Variants in WWOX observed in about 807,000 individuals in gnomAD.
WWOX encodes WW domain containing oxidoreductase.
In WWOX, 69 loss-of-function variants were observed where a neutral mutation model predicts 46.2. That is an observed-to-expected ratio of 1.49 (90% CI 1.23 to 1.82). The LOEUF (loss-of-function observed/expected upper bound fraction) is 1.82. Among genes scored for constraint, WWOX ranks in the 40% most tolerant of loss-of-function variants. The pLI is 0.00. For synonymous variants in WWOX, 359 were observed against 202.6 expected (o/e 1.77, Z -6.56); for missense variants, 919 against 542.6 (o/e 1.69, Z -6.89).
chr16:78,323,131 G>C (rs1006419088), intron 5 of WWOX, among the ~76,000 whole-genome samples: 8 of 151,912 alleles, frequency 5.3e-5, no homozygotes, highest in Non-Finnish European at 1.0e-4. Flanking sequence ...TGTTTGAGAC[G>C]GAGTCTTGCT....
intron 5 of WWOX, among the ~76,000 whole-genome samples, chr16:78,207,695 A>G (rs548341485): frequency 6.8e-6 from 1 of 146,740 alleles, no homozygotes; most frequent in East Asian, 2.1e-4. Context: ...TGGGATGATG[A>G]GGCTGCAGTG....
chr16:79,076,580 C>A (rs1357908362), intron 8 of WWOX, among the ~76,000 whole-genome samples: 1 of 152,196 alleles, frequency 6.6e-6, no homozygotes, highest in Non-Finnish European at 1.5e-5. Flanking sequence ...TGGACCTCAG[C>A]CTATCCAGGC....
In WWOX at chr16:79,211,496, C is replaced by A. The variant is rs1342486158; in HGVS notation, c.1057-112C>A. 1.2e-5 allele frequency: 16 copies of A among 1,391,198 alleles called. No individual in the cohort carries two copies. In the African/African-American group the frequency reaches 2.3e-4, roughly 20 times the overall value. The allele number at this position is 1,391,198 out of a possible 1,614,324, so 86.2% of individuals were successfully genotyped here. On this transcript the variant is annotated intron_variant, in intron 8 of 8. Coordinates refer to ENST00000566780, the MANE Select transcript of WWOX (RefSeq NM_016373.4). ...TACCCTTTGCTATGCCAAGATCCAGCTGAAACTGAACCAGGTGGGGGAGGC... is the reference window on the plus strand; with the variant it reads ...TACCCTTTGCTATGCCAAGATCCAGATGAAACTGAACCAGGTGGGGGAGGC...
intron 8 of WWOX, among the ~76,000 whole-genome samples, chr16:78,568,003 G>A (rs766873172): frequency 6.6e-6 from 1 of 152,152 alleles, no homozygotes; most frequent in Non-Finnish European, 1.5e-5. Context: ...TAGAGCCTCT[G>A]TTCACTACTC....
intron 8 of WWOX, among the ~76,000 whole-genome samples, chr16:78,928,107 A>T (rs1251886583): frequency 6.6e-6 from 1 of 151,910 alleles, no homozygotes; most frequent in African/African-American, 2.4e-5. Context: ...TTTTGTCCGT[A>T]TGTATTTACA....
chr16:78,705,288 G>T (rs1007254962), intron 8 of WWOX, among the ~76,000 whole-genome samples: 1 of 152,172 alleles, frequency 6.6e-6, no homozygotes, highest in African/African-American at 2.4e-5. Flanking sequence ...GTCCTGCCCA[G>T]TACTTTATAT....
intron 3 of WWOX, among the ~76,000 whole-genome samples, chr16:78,112,402 G>A (rs1213548251): frequency 6.6e-6 from 1 of 151,922 alleles, no homozygotes; most frequent in Non-Finnish European, 1.5e-5. Context: ...TGTAGTTACA[G>A]TAACAAGTTC....
intron 8 of WWOX, among the ~76,000 whole-genome samples, chr16:78,693,413 C>G (rs1328629769): frequency 6.6e-6 from 1 of 152,200 alleles, no homozygotes; most frequent in East Asian, 1.9e-4. Context: ...ATGCTGCCTG[C>G]TCTGTCAGCC....
chr16:78,386,623 AC>A (rs955443516), intron 5 of WWOX, among the ~76,000 whole-genome samples: 2 of 69,560 alleles, frequency 2.9e-5, no homozygotes, highest in South Asian at 5.9e-4. Context: ...AGCACAACCC[AC>A]CCCCCCGCCC....
intron 8 of WWOX, among the ~76,000 whole-genome samples, chr16:78,487,669 G>A (rs1470592098): frequency 6.6e-6 from 1 of 152,158 alleles, no homozygotes; most frequent in Non-Finnish European, 1.5e-5. Flanking sequence ...CTAGCCATTA[G>A]ATACCATCTC....
At chr16:78,580,394 A>G (rs1231457818) in intron 8 of WWOX, among the ~76,000 whole-genome samples, 1 of 152,180 alleles carries the variant, frequency 6.6e-6, no homozygotes, top group East Asian at 1.9e-4. Context: ...GATTTCAGTC[A>G]ATGCTGAGCA....
At chr16:78,512,218 G>GAAA (rs980872467) in intron 8 of WWOX, among the ~76,000 whole-genome samples, 1 of 152,132 alleles carries the variant, frequency 6.6e-6, no homozygotes, top group Non-Finnish European at 1.5e-5. Context: ...TATACATGGA[G>GAAA]AAGAAACTCC....
intron 5 of WWOX, among the ~76,000 whole-genome samples, chr16:78,200,576 C>T (rs1040549952): frequency 6.6e-6 from 1 of 150,770 alleles, no homozygotes; most frequent in African/African-American, 2.4e-5. Context: ...ACTGTGCTTT[C>T]CCTTGAGTTT....
At chr16:78,573,140 C>G (rs1269405381) in intron 8 of WWOX, among the ~76,000 whole-genome samples, 1 of 152,086 alleles carries the variant, frequency 6.6e-6, no homozygotes. Context: ...AAAAAATTAG[C>G]CAGGCATGGT....
intron 8 of WWOX, among the ~76,000 whole-genome samples, chr16:78,710,197 A>G (rs533992399): frequency 7.7e-4 from 117 of 152,050 alleles, no homozygotes; most frequent in African/African-American, 2.8e-3. Flanking sequence ...TCCCCGTTCA[A>G]ATCACCCAGT....
intron 8 of WWOX, among the ~76,000 whole-genome samples, chr16:78,894,918 C>T (rs184399010): frequency 1.0e-3 from 159 of 152,224 alleles, no homozygotes; most frequent in African/African-American, 3.4e-3. Context: ...TATCTGATGA[C>T]GGGACTAATT....
intron 8 of WWOX, among the ~76,000 whole-genome samples, chr16:79,113,680 C>T (rs1208885553): frequency 6.6e-6 from 1 of 152,148 alleles, no homozygotes; most frequent in Non-Finnish European, 1.5e-5. Context: ...GCAGGGTGAC[C>T]TGGAAGATCT....
chr16:78,443,316 A>G (rs1401486077), intron 8 of WWOX, among the ~76,000 whole-genome samples: 1 of 151,962 alleles, frequency 6.6e-6, no homozygotes, highest in East Asian at 1.9e-4. Flanking sequence ...AAAAAACAAA[A>G]AAAAACCCAA....
chr16:78,770,658 C>G (rs1039977062), intron 8 of WWOX, among the ~76,000 whole-genome samples: 2 of 150,724 alleles, frequency 1.3e-5, no homozygotes, highest in Non-Finnish European at 3.0e-5. Flanking sequence ...AACTCCCGCC[C>G]CCTCCCCCCC....
Sources: gnomAD v4.1 joint callset for allele counts (sites outside exome capture counted in the v4.1 genomes callset) on GRCh38, gnomAD v4.1.1 for gene constraint, MANE v1.5 for transcripts, NCBI Gene and HGNC (gene_info 2026-07-23, HGNC 2026-07-21) for gene names.